BCL9: variants seen among roughly 807,000 people sequenced by gnomAD.
BCL9 encodes the protein BCL9 transcription coactivator.
A neutral mutation model predicts 88.5 loss-of-function variants in BCL9; 25 were observed. That is an observed-to-expected ratio of 0.28 (90% CI 0.21 to 0.39). BCL9 has a LOEUF of 0.39. Ranked by LOEUF, BCL9 falls within the 10% of genes least tolerant of loss-of-function variation. The probability of loss-of-function intolerance (pLI) is 1.00; values close to 1 mark genes in which losing one functional copy is unlikely to be tolerated. For missense variants in BCL9, 1,817 were observed against 1,877.8 expected, an observed-to-expected ratio of 0.97 and a Z score of 0.60; for synonymous variants, 711 against 673.3, an observed-to-expected ratio of 1.06 and a Z score of -0.87.
At chr1:147,588,268 C>T (rs1435185309) in intron 1 of BCL9, among the ~76,000 whole-genome samples, 2 of 152,092 alleles carry the variant, frequency 1.3e-5, no homozygotes, top group Non-Finnish European at 2.9e-5. Flanking sequence ...GTTGCGGACC[C>T]AGGGTTAAGA....
intron 2 of BCL9, among the ~76,000 whole-genome samples, chr1:147,605,298 G>A (rs1217837173): frequency 1.3e-5 from 2 of 152,232 alleles, no homozygotes; most frequent in Non-Finnish European, 2.9e-5. Context: ...GCTGAGAGGA[G>A]GAATGACAGT....
At chr1:147,563,155 C>T (rs1553196300) in intron 1 of BCL9, among the ~76,000 whole-genome samples, 1 of 152,210 alleles carries the variant, frequency 6.6e-6, no homozygotes, top group Non-Finnish European at 1.5e-5. Context: ...CCTAACCAAT[C>T]AATTCTCTTA....
intron 1 of BCL9, among the ~76,000 whole-genome samples, chr1:147,562,857 C>A (rs1364684929): frequency 6.6e-6 from 1 of 152,200 alleles, no homozygotes; most frequent in South Asian, 2.1e-4. Flanking sequence ...ATGGCTTTCA[C>A]TGCATTTAGA....
At position 147,624,350 on chromosome 1, in the gene BCL9, C is replaced by G. The variant is rs1167161373; in HGVS notation, c.3672C>G (p.Ile1224Met). 2.5e-6 allele frequency: 4 copies of G among 1,614,052 alleles called. No individual in the cohort carries two copies. The highest frequency in any genetic ancestry group is 1.3e-5 in the African/African-American group (1 of 74,894). ...CAGACCCAGATCTGCAGGAGGTCAT[C>G]CGACCTGGAGCCACCGGAATACCTG... Reference protein sequence around the residue: ...VFTDPDLQEVIRPGATGIPEF... With the variant: ...VFTDPDLQEVMRPGATGIPEF... The change falls in exon 10 of 10, where the codon ATC (isoleucine) becomes ATG (methionine). Residue 1224 changes from isoleucine (I) to methionine (M), a missense_variant. Physicochemically the swap from Ile to Met is conservative, Grantham distance 10. Around this residue, in one of 2 missense-constraint regions of BCL9, gnomAD observed 589 missense variants for 686.2 expected, o/e 0.86. Coordinates refer to ENST00000234739, the MANE Select transcript of BCL9 (RefSeq NM_004326.4). The surrounding 1 kb of genome is among the most constrained non-coding windows in gnomAD (Gnocchi z 4.4).
chr1:147,610,896 C>T (rs888062526), intron 3 of BCL9, among the ~76,000 whole-genome samples: 1 of 152,218 alleles, frequency 6.6e-6, no homozygotes, highest in Non-Finnish European at 1.5e-5. Context: ...AATTATGGAT[C>T]ATTCCCATGC....
chr1:147,611,745 T>C lies in BCL9; in HGVS notation c.-92T>C. 7.8e-7 allele frequency: 1 copy of C among 1,287,818 alleles called. No homozygotes were observed. Among genetic ancestry groups the C allele is most frequent in the Non-Finnish European group, 1.1e-6 (1 of 886,042 alleles). The allele number at this position is 1,287,818 out of a possible 1,614,324, so 79.8% of individuals were successfully genotyped here. A position where few individuals can be genotyped will look rare whatever the true frequency, so the allele number is the denominator to read the frequency against. ...ACGCACCCAGCAAGCAGTGGGCCAG[T>C]GCCACTGCCCCCAGCAGCTGTTTCT... is the stretch of plus-strand genomic sequence containing the variant. On this transcript the variant is annotated 5_prime_UTR_variant, in exon 4 of 10. Coordinates refer to ENST00000234739, the MANE Select transcript of BCL9 (RefSeq NM_004326.4).
At chr1:147,560,417 C>G (rs587700626) in intron 1 of BCL9, among the ~76,000 whole-genome samples, 61 of 151,458 alleles carry the variant, frequency 4.0e-4, no homozygotes, top group African/African-American at 1.4e-3. Flanking sequence ...TGGTGAAACC[C>G]CCTCTCTACT....
intron 1 of BCL9, among the ~76,000 whole-genome samples, chr1:147,547,304 T>TC (rs1557817251): frequency 6.6e-6 from 1 of 152,204 alleles, no homozygotes; most frequent in Non-Finnish European, 1.5e-5. Flanking sequence ...AATGATGTTT[T>TC]CATTAATCAT....
At chr1:147,566,538 C>T (rs1240443140) in intron 1 of BCL9, among the ~76,000 whole-genome samples, 1 of 152,026 alleles carries the variant, frequency 6.6e-6, no homozygotes, top group Non-Finnish European at 1.5e-5. Context: ...AGGCGGATCA[C>T]GAGGTCCGGA....
rs116201272 is a variant in BCL9 at position 147,589,359 on chromosome 1, C to A, written c.-477-15418C>A. 3.7e-4 allele frequency among the ~76,000 whole-genome samples: 57 copies of A among 152,238 alleles called. 1 individual carries two copies. The highest frequency in any genetic ancestry group is 1.3e-3 in the African/African-American group (56 of 41,536). Reference sequence around the variant, plus strand: ...CTTTATTGAGGTATAATTTACAAACCATAAAATTTACCCATTTTAAGTGTA... The same window carrying A: ...CTTTATTGAGGTATAATTTACAAACAATAAAATTTACCCATTTTAAGTGTA... On this transcript the variant is annotated intron_variant, in intron 1 of 9. Transcript: ENST00000234739.
rs782740877 is a variant in BCL9, at chr1:147,619,968, T to G, written c.1813T>G (p.Phe605Val). ...GCCAAAAATCCCAGATGGTCGAAAT[T>G]TTCCTCCTGGCCAGGGCATTTTCAG... ...DVPKIPDGRN[F>V]PPGQGIFSGP... The change falls in exon 8 of 10, where the codon TTT becomes GTT. Residue 605 changes from phenylalanine (F) to valine (V), a missense_variant. Phe to Val is a conservative substitution (Grantham distance 50). Transcript: ENST00000234739. The surrounding 1 kb of genome is among the most constrained non-coding windows in gnomAD (Gnocchi z 4.1). The G allele has an allele frequency of 3.1e-6, 5 of 1,614,134 alleles. No homozygotes were observed. The highest frequency in any genetic ancestry group is 1.6e-4 in the Middle Eastern group (1 of 6,062).
intron 9 of BCL9, 77 bp downstream of exon 9, chr1:147,622,608 T>C (rs1658703048): frequency 1.3e-6 from 2 of 1,551,964 alleles, no homozygotes; most frequent in Non-Finnish European, 1.8e-6. Context: ...TCTCAATGGC[T>C]ATACACCTGA....
chr1:147,558,781 T>C (rs1655235363), intron 1 of BCL9, among the ~76,000 whole-genome samples: 2 of 152,204 alleles, frequency 1.3e-5, no homozygotes, highest in Non-Finnish European at 2.9e-5. Context: ...GCACTTCAGT[T>C]TGTCTGTGGT....
At chr1:147,582,356 T>G (rs994880207) in intron 1 of BCL9, among the ~76,000 whole-genome samples, 1 of 152,268 alleles carries the variant, frequency 6.6e-6, no homozygotes, top group South Asian at 2.1e-4. Flanking sequence ...TTGTAACTTA[T>G]TCCTAGACAG....
At chr1:147,561,971 A>C (rs1655396881) in intron 1 of BCL9, among the ~76,000 whole-genome samples, 1 of 152,214 alleles carries the variant, frequency 6.6e-6, no homozygotes, top group African/African-American at 2.4e-5. Context: ...GAAGTAAACC[A>C]GTTTGGCCAG....
intron 6 of BCL9, among the ~76,000 whole-genome samples, chr1:147,614,834 ATC>A (rs1658191791): frequency 7.9e-6 from 1 of 127,350 alleles, no homozygotes. Context: ...ATACATATAT[ATC>A]TCTTTTTCTT....
chr1:147,585,706 G>T (rs905181323), intron 1 of BCL9, among the ~76,000 whole-genome samples: 1 of 152,134 alleles, frequency 6.6e-6, no homozygotes, highest in African/African-American at 2.4e-5. Flanking sequence ...TGAACTGGGG[G>T]TGGCTGAATT....
chr1:147,592,529 T>C (rs1488196092), intron 1 of BCL9, among the ~76,000 whole-genome samples: 1 of 152,246 alleles, frequency 6.6e-6, no homozygotes, highest in East Asian at 1.9e-4. Flanking sequence ...CCTTTTATTA[T>C]GTTATCCACC....
chr1:147,572,864 G>A (rs1470385219), intron 1 of BCL9, among the ~76,000 whole-genome samples: 1 of 152,236 alleles, frequency 6.6e-6, no homozygotes, highest in African/African-American at 2.4e-5. Context: ...ATAGGCGTGA[G>A]CCGCTACACA....
Sources: gnomAD v4.1 joint callset for allele counts (sites outside exome capture counted in the v4.1 genomes callset) on GRCh38, gnomAD v4.1.1 for gene constraint, gnomAD v4.1.1 regional missense constraint, Gnocchi (gnomAD v3.1) non-coding constraint, MANE v1.5 for transcripts, NCBI Gene and HGNC (gene_info 2026-07-23, HGNC 2026-07-21) for gene names.